CDON: variants seen among roughly 807,000 people sequenced by gnomAD.
CDON encodes the protein cell adhesion associated, oncogene regulated, also known as cell adhesion molecule-related/down-regulated by oncogenes.
A neutral mutation model predicts 120.9 loss-of-function variants in CDON; 73 were observed. That is an observed-to-expected ratio of 0.60 (90% CI 0.50 to 0.73). CDON has a LOEUF of 0.73. Ranked by LOEUF, CDON falls within the 30% of genes least tolerant of loss-of-function variation. The probability of loss-of-function intolerance (pLI) is 0.00; values close to 1 mark genes in which losing one functional copy is unlikely to be tolerated. For synonymous variants in CDON, 566 were observed against 573.5 expected, an observed-to-expected ratio of 0.99 and a Z score of 0.19; for missense variants, 1,470 against 1,587.3, an observed-to-expected ratio of 0.93 and a Z score of 1.26.
At chr11:126,050,435 T>C (rs1320462099) in intron 1 of CDON, among the ~76,000 whole-genome samples, 1 of 151,720 alleles carries the variant, frequency 6.6e-6, no homozygotes, top group East Asian at 1.9e-4. Flanking sequence ...GATCATTTAG[T>C]CTTCATGATT....
At chr11:125,982,832 A>G (rs1360446554) in intron 16 of CDON, among the ~76,000 whole-genome samples, 3 of 152,124 alleles carry the variant, frequency 2.0e-5, no homozygotes, top group Admixed American at 1.3e-4. Context: ...CCATTTAGAA[A>G]ATCAAATGAT....
intron 15 of CDON, among the ~76,000 whole-genome samples, chr11:125,988,730 ACGG>A (rs1946539846): frequency 6.6e-6 from 1 of 152,192 alleles, no homozygotes; most frequent in South Asian, 2.1e-4. Flanking sequence ...CTTCTTAAAG[ACGG>A]CAACATTTGA....
intron 18 of CDON, among the ~76,000 whole-genome samples, chr11:125,970,075 G>A (rs1381347570): frequency 6.6e-6 from 1 of 151,776 alleles, no homozygotes; most frequent in Non-Finnish European, 1.5e-5. Context: ...TGCCTAGAGG[G>A]AAAGAACTAT....
intron 8 of CDON, among the ~76,000 whole-genome samples, chr11:126,006,674 G>A (rs946975864): frequency 2.0e-5 from 3 of 151,948 alleles, no homozygotes; most frequent in African/African-American, 7.3e-5. Flanking sequence ...TCTACCCAAG[G>A]GGATCCTGCA....
At position 125,968,559 on chromosome 11, in the gene CDON, T is replaced by C. The variant is rs1385206341; in HGVS notation, c.3357-6561A>G. 4.6e-5 allele frequency among the ~76,000 whole-genome samples: 7 copies of C among 152,180 alleles called. No homozygotes were observed. The East Asian group carries it at 9.6e-4, about 21-fold the overall frequency. On this transcript the variant is annotated intron_variant, in intron 18 of 19. Coordinates refer to ENST00000531738, the MANE Select transcript of CDON (RefSeq NM_001378964.1). ...ACTTCTTAAAGAAATTCCAGATATT[T>C]AGCAAGAGAGAAGTACAATTTCCTA...
At chr11:126,036,046 T>C (rs1948086952) in intron 1 of CDON, among the ~76,000 whole-genome samples, 2 of 152,122 alleles carry the variant, frequency 1.3e-5, no homozygotes, top group Admixed American at 1.3e-4. Flanking sequence ...AAAAGGTACA[T>C]ACACACACAT....
chr11:126,049,302 C>CTATA (rs1358998941), intron 1 of CDON, among the ~76,000 whole-genome samples: 2 of 152,192 alleles, frequency 1.3e-5, no homozygotes, highest in Non-Finnish European at 2.9e-5. Flanking sequence ...TATATGAGCT[C>CTATA]TGTCAACCTT....
intron 15 of CDON, among the ~76,000 whole-genome samples, chr11:125,988,354 G>T (rs745914528): frequency 6.6e-6 from 1 of 152,136 alleles, no homozygotes; most frequent in Non-Finnish European, 1.5e-5. Flanking sequence ...GGAACATGAC[G>T]AACAGGAAAG....
Position 125,958,406 on chromosome 11 carries a change from G to C in CDON, c.*2536C>G, listed in dbSNP as rs374629863. ...CTGGTACACAGTAGTTATTCAGCAC[G>C]TGTTAGTGCTGTCTCCCACACTGTA... On this transcript the variant is annotated 3_prime_UTR_variant, in exon 20 of 20. Coordinates refer to ENST00000531738, the MANE Select transcript of CDON (RefSeq NM_001378964.1). 9.2e-5 allele frequency: 14 copies of C among 152,240 alleles called. No individual in the cohort carries two copies. The East Asian group carries it at 1.7e-3, about 19-fold the overall frequency. The allele number at this position is 152,240 out of a possible 1,614,324, so 9.4% of individuals were successfully genotyped here.
intron 2 of CDON, among the ~76,000 whole-genome samples, chr11:126,022,101 CAAAAAAAAAAA>C (rs56788784): frequency 1.8e-5 from 1 of 56,554 alleles, no homozygotes; most frequent in Middle Eastern, 0.011. Context: ...GACCCTGCTT[CAAAAAAAAAAA>C]AAAAAAAAAA....
At chr11:126,062,963 G>A (rs1054130405), upstream of CDON, among the ~76,000 whole-genome samples, 12 of 151,654 alleles carry the variant, frequency 7.9e-5, no homozygotes, top group Non-Finnish European at 1.5e-4. Context: ...GCGAGCAGCG[G>A]GAGGAGGGAC....
intron 14 of CDON, among the ~76,000 whole-genome samples, chr11:125,991,205 TGTTATA>T (rs1350304729): frequency 6.6e-6 from 1 of 152,242 alleles, no homozygotes; most frequent in Non-Finnish European, 1.5e-5. Context: ...AATATTCCAT[TGTTATA>T]GTTATTCTTC....
chr11:126,042,496 TA>T (rs1188247738), intron 1 of CDON, among the ~76,000 whole-genome samples: 4 of 152,238 alleles, frequency 2.6e-5, no homozygotes, highest in East Asian at 3.8e-4. Context: ...CAGAAACATA[TA>T]TTTTTTTTAT....
At chr11:126,014,740 T>C (rs1012586062) in intron 7 of CDON, 1 of 154,976 alleles carries the variant, frequency 6.5e-6, no homozygotes, top group Non-Finnish European at 1.4e-5. Context: ...ATGAAAATAC[T>C]TTTTATGTAC....
intron 14 of CDON, among the ~76,000 whole-genome samples, chr11:125,993,637 C>T (rs1348586455): frequency 6.6e-6 from 1 of 152,108 alleles, no homozygotes; most frequent in African/African-American, 2.4e-5. Context: ...ACAGGAACTA[C>T]CCTGTGCCAA....
Position 126,001,796 on chromosome 11 carries a change from G to C in CDON, c.2081C>G (p.Pro694Arg). Residue 694 changes from proline to arginine, a missense_variant, in exon 11 of 20, where the codon CCT becomes CGT. Transcript: ENST00000531738. ...AGCCTCTGAAACAACGGGATACTTA[G>C]GGATGCCCACGGGTGGAGAGGATGC... The part of the protein sequence containing the change: ...TQASSPPVGI[P>R]KYPVVSEAAN... 2 of 1,612,128 alleles carry C rather than the reference G, an allele frequency of 1.2e-6. No individual in the cohort carries two copies. The highest frequency in any genetic ancestry group is 1.7e-6 in the Non-Finnish European group (2 of 1,178,164).
rs965318402 is a variant in CDON, at chr11:125,959,289, C to T, written c.*1653G>A. On this transcript the variant is annotated 3_prime_UTR_variant, in exon 20 of 20. Coordinates refer to ENST00000531738, the MANE Select transcript of CDON (RefSeq NM_001378964.1). The stretch of plus-strand genomic sequence containing the variant: ...TCCACTGCGATTTCTGGGAAACTAA[C>T]ATTTCTTCACTTCTGCTGGAATTGC... 4 of 152,182 alleles carry T rather than the reference C, an allele frequency of 2.6e-5. No individual in the cohort carries two copies. The highest frequency in any genetic ancestry group is 2.1e-4 in the South Asian group (1 of 4,828). 9.4% of individuals were successfully genotyped at this position (152,182 alleles called of 1,614,324 possible).
intron 15 of CDON, among the ~76,000 whole-genome samples, chr11:125,987,990 T>C (rs1410215252): frequency 6.6e-6 from 1 of 152,236 alleles, no homozygotes. Context: ...TTTAAAAACG[T>C]ACTTTTTCAT....
At position 126,005,631 on chromosome 11, in the gene CDON, C is replaced by A. The variant is rs544509474; in HGVS notation, c.1851+128G>T. The A allele has an allele frequency of 1.3e-4, 111 of 859,736 alleles. No individual in the cohort carries two copies. The East Asian group carries it at 2.7e-3, about 21-fold the overall frequency. 53.3% of individuals were successfully genotyped at this position (859,736 alleles called of 1,614,324 possible). The stretch of plus-strand genomic sequence containing the variant: ...TCCAGCATGACTGGGATCTCTCTGA[C>A]AAACTCATCAGTCTGGAAGACTCTT... On this transcript the variant is annotated intron_variant, in intron 9 of 19. Coordinates refer to ENST00000531738, the MANE Select transcript of CDON (RefSeq NM_001378964.1).
Sources: gnomAD v4.1 joint callset for allele counts (sites outside exome capture counted in the v4.1 genomes callset) on GRCh38, gnomAD v4.1.1 for gene constraint, MANE v1.5 for transcripts, NCBI Gene and HGNC (gene_info 2026-07-23, HGNC 2026-07-21) for gene names.